DNAI7: variants seen among roughly 807,000 people sequenced by gnomAD.
DNAI7 encodes the protein cancer susceptibility 1.
Under a neutral mutation model 86.6 loss-of-function variants are expected in DNAI7, and 78 were observed. That is an observed-to-expected ratio of 0.90 (90% CI 0.75 to 1.09). The LOEUF (loss-of-function observed/expected upper bound fraction) is 1.09, where lower values mean the gene tolerates loss of function less well. DNAI7 is among the 50% of genes least tolerant of loss of function. The pLI, the probability that DNAI7 is intolerant of heterozygous loss-of-function variation, is 0.00. For missense variants in DNAI7, 753 were observed against 810.2 expected (o/e 0.93, Z 0.86); for synonymous variants, 274 against 273.0 (o/e 1.00, Z -0.04).
intron 9 of DNAI7, among the ~76,000 whole-genome samples, chr12:25,141,094 G>A (rs906182689): frequency 6.6e-6 from 1 of 152,078 alleles, no homozygotes; most frequent in African/African-American, 2.4e-5. Flanking sequence ...TCTAAGACCT[G>A]AAACCATAAA....
At chr12:25,169,722 C>A (rs1282024452) in intron 2 of DNAI7, among the ~76,000 whole-genome samples, 2 of 151,898 alleles carry the variant, frequency 1.3e-5, no homozygotes, top group Non-Finnish European at 2.9e-5. Context: ...GTGGCATGCA[C>A]CCGTGATCCC....
intron 8 of DNAI7, among the ~76,000 whole-genome samples, chr12:25,146,693 A>C (rs1393533929): frequency 2.6e-5 from 4 of 152,200 alleles, no homozygotes; most frequent in African/African-American, 9.6e-5. Flanking sequence ...CCTGGTATTT[A>C]ATGAGTGTAT....
chr12:25,144,240 A>G (rs1944545417), intron 9 of DNAI7, 125 bp downstream of exon 9: 4 of 742,330 alleles, frequency 5.4e-6, no homozygotes, highest in Non-Finnish European at 9.1e-6. Context: ...AAATTGAGGC[A>G]CTGGCAAGAA....
Position 25,108,755 on chromosome 12 carries a change from G to T in DNAI7, c.1962C>A (p.Asp654Glu). 1 of 1,498,254 alleles carries T rather than the reference G, an allele frequency of 6.7e-7. No homozygotes were observed. The highest frequency in any genetic ancestry group is 1.8e-5 in the Admixed American group (1 of 54,668). 92.8% of individuals were successfully genotyped at this position (1,498,254 alleles called of 1,614,324 possible). ...PNWALLMFSG[D>E]RAQRLKIKEE... is the part of the protein sequence containing the mutation. Reference sequence around the variant, plus strand: ...CCTTGATCTTCAGTCTTTGTGCTCTGTCACCACTAAACATTAAAAGGGCCC... The same window carrying T: ...CCTTGATCTTCAGTCTTTGTGCTCTTTCACCACTAAACATTAAAAGGGCCC... The change falls in exon 16 of 16, where the codon GAC (aspartate) becomes GAA (glutamate). Residue 654 changes from aspartate to glutamate, a missense_variant. Transcript: ENST00000395987.
In DNAI7 at chr12:25,144,685, T is replaced by C; in HGVS notation, c.690-8A>G. On this transcript the variant is annotated splice_region_variant and splice_polypyrimidine_tract_variant and intron_variant, in intron 8 of 15. Coordinates refer to ENST00000395987, the MANE Select transcript of DNAI7 (RefSeq NM_018272.5). The stretch of plus-strand genomic sequence containing the variant: ...AATCTAACACTTCTGTGCCTGTTAA[T>C]AATTAATTACAACAAAAAAAGATGA... 2 of 1,596,222 alleles carry C rather than the reference T, an allele frequency of 1.3e-6. No homozygotes were observed. Among genetic ancestry groups the C allele is most frequent in the Non-Finnish European group, 8.5e-7 (1 of 1,170,942 alleles).
Position 25,108,597 on chromosome 12 carries a change from T to C in DNAI7, c.2120A>G (p.Asn707Ser). 3.1e-6 allele frequency: 5 copies of C among 1,613,676 alleles called. No individual in the cohort carries two copies. Among genetic ancestry groups the C allele is most frequent in the Non-Finnish European group, 4.2e-6 (5 of 1,179,874 alleles). Residue 707 changes from asparagine (N) to serine (S), a missense_variant, in exon 16 of 16, where the codon AAC (asparagine) becomes AGC (serine). Coordinates refer to ENST00000395987, the MANE Select transcript of DNAI7 (RefSeq NM_018272.5). Reference sequence around the variant, plus strand: ...AGAGAGCAGCATGTGGCACACAGAGTTGACAAACTGACAGTTGGAACTCCT... The same window carrying C: ...AGAGAGCAGCATGTGGCACACAGAGCTGACAAACTGACAGTTGGAACTCCT... ...KVRSSNCQFV[N>S]SVCHMLLSTR...
At chr12:25,135,547 G>A (rs1038792915) in intron 9 of DNAI7, among the ~76,000 whole-genome samples, 1 of 152,128 alleles carries the variant, frequency 6.6e-6, no homozygotes, top group Non-Finnish European at 1.5e-5. Flanking sequence ...AGAGGGCAGC[G>A]GGGAGGGCAG....
Position 25,161,189 on chromosome 12 carries a change from A to G in DNAI7, c.30T>C (p.Ser10=), listed in dbSNP as rs1417903822. 3.7e-6 allele frequency: 6 copies of G among 1,613,506 alleles called. No individual in the cohort carries two copies. Among genetic ancestry groups the G allele is most frequent in the Middle Eastern group, 1.6e-4 (1 of 6,080 alleles). The change falls in exon 3 of 16, where the codon AGT becomes AGC. Residue 10 remains serine, a synonymous_variant. Transcript: ENST00000395987. ...CAGCTTTGGTGACTTTCTTTTTCTTACTGCCAGACTTAACAAAGGCCACAT... is the reference window on the plus strand; with the variant it reads ...CAGCTTTGGTGACTTTCTTTTTCTTGCTGCCAGACTTAACAAAGGCCACAT... MGPKAKKSG[S]KKKKVTKAER...
At chr12:25,180,254 G>T (rs1003571825) in intron 2 of DNAI7, among the ~76,000 whole-genome samples, 2 of 152,044 alleles carry the variant, frequency 1.3e-5, no homozygotes, top group African/African-American at 2.4e-5. Context: ...TCTCTACAAA[G>T]AGAACTACAA....
intron 14 of DNAI7, among the ~76,000 whole-genome samples, chr12:25,111,180 T>C (rs776631682): frequency 2.4e-4 from 36 of 152,232 alleles, no homozygotes; most frequent in Non-Finnish European, 5.0e-4. Flanking sequence ...TGTCTTCATA[T>C]ATCACAAATG....
chr12:25,151,859 C>T (rs1945585850), intron 6 of DNAI7, among the ~76,000 whole-genome samples: 3 of 152,132 alleles, frequency 2.0e-5, no homozygotes, highest in Admixed American at 2.0e-4. Context: ...GATTAAATCT[C>T]GCAATGCATG....
chr12:25,115,308 C>A (rs1454444043), intron 12 of DNAI7, among the ~76,000 whole-genome samples: 1 of 152,152 alleles, frequency 6.6e-6, no homozygotes, highest in African/African-American at 2.4e-5. Context: ...GTATACAATT[C>A]AATTATCTTT....
Position 25,144,417 on chromosome 12 carries a change from T to G in DNAI7, c.950A>C (p.Gln317Pro). ...KQQERGSHLIQEEEIKVEEEQ... is the reference protein window; with the variant it reads ...KQQERGSHLIPEEEIKVEEEQ... ...CTCCTCAACTTTTATTTCTTCCTCCTGAATTAAGTGAGACCCTCTTTCTTG... is the reference window on the plus strand; with the variant it reads ...CTCCTCAACTTTTATTTCTTCCTCCGGAATTAAGTGAGACCCTCTTTCTTG... The change falls in exon 9 of 16, where the codon CAG becomes CCG. Residue 317 changes from glutamine to proline, a missense_variant. Physicochemically the swap from Gln to Pro is moderately conservative, Grantham distance 76. Coordinates refer to ENST00000395987, the MANE Select transcript of DNAI7 (RefSeq NM_018272.5). 6.2e-7 allele frequency: 1 copy of G among 1,614,088 alleles called. No homozygotes were observed. Among genetic ancestry groups the G allele is most frequent in the South Asian group, 1.1e-5 (1 of 91,074 alleles).
intron 9 of DNAI7, among the ~76,000 whole-genome samples, chr12:25,143,384 G>A (rs189821137): frequency 2.0e-5 from 3 of 152,014 alleles, no homozygotes; most frequent in Non-Finnish European, 4.4e-5. Flanking sequence ...AAGTAGCTGG[G>A]ATTACAGGTA....
At chr12:25,141,736 A>T (rs922677349) in intron 9 of DNAI7, among the ~76,000 whole-genome samples, 12 of 152,174 alleles carry the variant, frequency 7.9e-5, no homozygotes, top group African/African-American at 2.9e-4. Context: ...AGTCTCAGGC[A>T]AGAGAATTGC....
intron 2 of DNAI7, among the ~76,000 whole-genome samples, chr12:25,189,981 A>C (rs1408493827): frequency 1.2e-5 from 1 of 85,050 alleles, no homozygotes; most frequent in Non-Finnish European, 2.3e-5. Context: ...ATAGGTTGGC[A>C]ACTGATTTAA....
intron 2 of DNAI7, among the ~76,000 whole-genome samples, chr12:25,187,548 C>G (rs1327686511): frequency 1.3e-5 from 2 of 152,110 alleles, no homozygotes; most frequent in Non-Finnish European, 2.9e-5. Flanking sequence ...GCCTTGAACA[C>G]TGCTAAATCA....
At chr12:25,132,143 G>C (rs556849838) in intron 9 of DNAI7, among the ~76,000 whole-genome samples, 1 of 151,930 alleles carries the variant, frequency 6.6e-6, no homozygotes, top group Non-Finnish European at 1.5e-5. Context: ...AGCCAAAATG[G>C]GAAATACATC....
intron 2 of DNAI7, among the ~76,000 whole-genome samples, chr12:25,166,112 C>T (rs1038451459): frequency 5.3e-5 from 8 of 152,126 alleles, no homozygotes; most frequent in African/African-American, 1.9e-4. Flanking sequence ...AACCTAATCA[C>T]TCTTACCCCG....
Sources: gnomAD v4.1 joint callset for allele counts (sites outside exome capture counted in the v4.1 genomes callset) on GRCh38, gnomAD v4.1.1 for gene constraint, MANE v1.5 for transcripts, NCBI Gene and HGNC (gene_info 2026-07-23, HGNC 2026-07-21) for gene names.